Variants in GRAMD4 observed in about 807,000 individuals in gnomAD.
GRAMD4 encodes GRAM domain-containing protein 4.
GRAMD4 carries 25 observed loss-of-function variants against 83.9 expected under a neutral mutation model. The observed-to-expected ratio is 0.30, with a 90% confidence interval of 0.22 to 0.42. The LOEUF is 0.42. Among genes scored for constraint, GRAMD4 ranks in the 10% least tolerant of loss-of-function variants. The pLI, the probability that GRAMD4 is intolerant of heterozygous loss-of-function variation, is 1.00. For synonymous variants in GRAMD4, 336 were observed against 320.9 expected, an observed-to-expected ratio of 1.05 and a Z score of -0.50; for missense variants, 593 against 788.7, an observed-to-expected ratio of 0.75 and a Z score of 2.97.
chr22:46,576,323 T>C (rs2147875420), upstream of GRAMD4, among the ~76,000 whole-genome samples: 1 of 152,302 alleles, frequency 6.6e-6, no homozygotes, highest in East Asian at 1.9e-4. Context: ...GGTGATCCCC[T>C]CTGCCCCTTC....
intron 3 of GRAMD4, among the ~76,000 whole-genome samples, chr22:46,643,769 C>CG (rs1015930604): frequency 5.3e-5 from 8 of 152,178 alleles, no homozygotes; most frequent in African/African-American, 1.9e-4. Flanking sequence ...CGATTATGTC[C>CG]GGGTGCCACA....
At chr22:46,607,253 G>A (rs183908418) in intron 1 of GRAMD4, among the ~76,000 whole-genome samples, 1 of 152,292 alleles carries the variant, frequency 6.6e-6, no homozygotes, top group East Asian at 1.9e-4. Flanking sequence ...TAAATGACGA[G>A]TTGATGGGTG....
intron 3 of GRAMD4, among the ~76,000 whole-genome samples, chr22:46,640,641 T>C (rs2081961123): frequency 6.6e-6 from 1 of 152,120 alleles, no homozygotes; most frequent in African/African-American, 2.4e-5. Flanking sequence ...TGTGGGGTGG[T>C]GAGCACGGGG....
At chr22:46,623,328 G>A (rs911018506) in intron 1 of GRAMD4, among the ~76,000 whole-genome samples, 1 of 152,216 alleles carries the variant, frequency 6.6e-6, no homozygotes, top group Non-Finnish European at 1.5e-5. Context: ...TTGAGGGGGC[G>A]TCTGTGTGCT....
chr22:46,682,116 T>C (rs1459354471), downstream of GRAMD4, among the ~76,000 whole-genome samples: 1 of 152,220 alleles, frequency 6.6e-6, no homozygotes, highest in Non-Finnish European at 1.5e-5. Context: ...GAAGCCCAGC[T>C]CTGCCCTCCT....
intron 1 of GRAMD4, among the ~76,000 whole-genome samples, chr22:46,583,500 A>G (rs1273823904): frequency 6.6e-6 from 1 of 152,150 alleles, no homozygotes; most frequent in East Asian, 1.9e-4. Context: ...ATGTCTCTCT[A>G]AGCTCCTCTT....
At chr22:46,582,235 T>G (rs2081105655) in intron 1 of GRAMD4, among the ~76,000 whole-genome samples, 1 of 152,134 alleles carries the variant, frequency 6.6e-6, no homozygotes, top group Non-Finnish European at 1.5e-5. Context: ...GAATTGTTAC[T>G]TGTCCCTGGG....
chr22:46,639,178 G>GTGTA (rs956065705), intron 3 of GRAMD4, among the ~76,000 whole-genome samples: 2 of 151,606 alleles, frequency 1.3e-5, no homozygotes, highest in East Asian at 2.0e-4. Flanking sequence ...GTGTGTGTGT[G>GTGTA]TGTATGTACA....
chr22:46,632,435 C>T (rs2081789414), intron 2 of GRAMD4, among the ~76,000 whole-genome samples: 1 of 152,232 alleles, frequency 6.6e-6, no homozygotes, highest in African/African-American at 2.4e-5. Flanking sequence ...TCTAGAAAAG[C>T]TGAAGAACTG....
At chr22:46,653,763 G>C (rs1265970317) in intron 3 of GRAMD4, among the ~76,000 whole-genome samples, 1 of 152,222 alleles carries the variant, frequency 6.6e-6, no homozygotes, top group Admixed American at 6.5e-5. Context: ...CCTTGACAGG[G>C]CCAAGATCAG....
chr22:46,658,342 C>A, intron 4 of GRAMD4, 35 bp downstream of exon 4: 1 of 1,549,206 alleles, frequency 6.5e-7, no homozygotes, highest in Non-Finnish European at 8.7e-7. Context: ...GGCCTGTGTG[C>A]GGCTGCCCCA....
chr22:46,596,613 C>A (rs568473684), intron 1 of GRAMD4, among the ~76,000 whole-genome samples: 5 of 152,174 alleles, frequency 3.3e-5, no homozygotes, highest in Admixed American at 2.6e-4. Flanking sequence ...CACGATCTCA[C>A]AATCTCAGTT....
At chr22:46,615,536 G>T, upstream of GRAMD4, among the ~76,000 whole-genome samples, 1 of 139,878 alleles carries the variant, frequency 7.1e-6, no homozygotes, top group East Asian at 2.3e-4. Flanking sequence ...TGTGTGTGTA[G>T]GTTCCCCTGT....
chr22:46,679,849 G>A (rs1238430284), downstream of GRAMD4: 6 of 953,680 alleles, frequency 6.3e-6, no homozygotes, highest in Admixed American at 1.8e-4. Context: ...AGCCAGCTGG[G>A]CCACCAACCC....
In GRAMD4 at chr22:46,659,130, C is replaced by G. The variant is rs1217760850; in HGVS notation, c.404+823C>G. On this transcript the variant is annotated intron_variant, in intron 4 of 18. Transcript: ENST00000406902. The surrounding 1 kb of genome is among the most constrained non-coding windows in gnomAD (Gnocchi z 4.1). ...GAGCTCAGGCCACTCACCTCTGGCTCCCAGGCCTCCCGCTCAGCCTCCACT... is the reference window on the plus strand; with the variant it reads ...GAGCTCAGGCCACTCACCTCTGGCTGCCAGGCCTCCCGCTCAGCCTCCACT... Among the ~76,000 whole-genome samples, 4 of 152,142 alleles carry G rather than the reference C, an allele frequency of 2.6e-5. No homozygotes were observed. The highest frequency in any genetic ancestry group is 5.9e-5 in the Non-Finnish European group (4 of 68,018).
intron 2 of GRAMD4, among the ~76,000 whole-genome samples, chr22:46,637,241 C>G (rs1351456632): frequency 1.4e-5 from 2 of 146,326 alleles, no homozygotes; most frequent in Non-Finnish European, 3.0e-5. Context: ...GACTTAGCGC[C>G]ACTTATCCAG....
downstream of GRAMD4, among the ~76,000 whole-genome samples, chr22:46,680,713 TCCACCCACCCAC>T (rs1272066202): frequency 1.7e-5 from 2 of 117,334 alleles, no homozygotes; most frequent in African/African-American, 3.5e-5. Flanking sequence ...CATCCATCCA[TCCACCCACCCAC>T]CCATCCATCC....
rs2082621029 is a variant in GRAMD4 at position 46,677,787 on chromosome 22, A to G, written c.*536A>G. On this transcript the variant is annotated 3_prime_UTR_variant, in exon 19 of 19. Coordinates refer to ENST00000406902, the MANE Select transcript of GRAMD4 (RefSeq NM_015124.5). ...GCCTGGCGGCCCTCCTTCCTCTTAC[A>G]TGAGACCCTCCTGTGGCATTTGCCC... 2 of 984,796 alleles carry G rather than the reference A, an allele frequency of 2.0e-6. No homozygotes were observed. Among genetic ancestry groups the G allele is most frequent in the Middle Eastern group, 5.2e-4 (1 of 1,914 alleles). The allele number at this position is 984,796 out of a possible 1,614,324, so 61.0% of individuals were successfully genotyped here.
chr22:46,676,979 CT>C (rs1290501236), intron 18 of GRAMD4, among the ~76,000 whole-genome samples, 167 bp from the exon 19 acceptor site: 1 of 152,244 alleles, frequency 6.6e-6, no homozygotes, highest in Non-Finnish European at 1.5e-5. Flanking sequence ...CTCTGTTCCC[CT>C]GAAGGCTGGA....
Sources: allele counts gnomAD v4.1 joint callset (sites outside exome capture counted in the v4.1 genomes callset), GRCh38; gene constraint gnomAD v4.1.1; non-coding constraint Gnocchi (gnomAD v3.1); transcripts MANE v1.5; gene names NCBI Gene and HGNC (gene_info 2026-07-23, HGNC 2026-07-21).